Variants in SMC6 observed in about 807,000 individuals in gnomAD.
SMC6 encodes the protein structural maintenance of chromosomes 6, also known as structural maintenance of chromosomes protein 6.
A neutral mutation model predicts 142.2 loss-of-function variants in SMC6; 79 were observed. The observed-to-expected ratio is 0.56, with a 90% CI of 0.46 to 0.67. The LOEUF (loss-of-function observed/expected upper bound fraction) is 0.67. SMC6 is among the 30% of genes least tolerant of loss of function. The pLI is 0.00. For missense variants in SMC6, 1,072 were observed against 1,284.0 expected, an observed-to-expected ratio of 0.83 and a Z score of 2.52; for synonymous variants, 411 against 412.4, an observed-to-expected ratio of 1.00 and a Z score of 0.04.
intron 9 of SMC6, among the ~76,000 whole-genome samples, chr2:17,724,057 G>C (rs1240414505): frequency 1.3e-5 from 2 of 152,072 alleles, no homozygotes; most frequent in Non-Finnish European, 2.9e-5. Context: ...GAGAAAATAA[G>C]TGTTTAATCC....
In SMC6 at chr2:17,718,060, T is replaced by G; in HGVS notation, c.1092+17A>C. ...CTGTGTGGCTTTTAAAATTCCAGTTTAGAAAATTTATCTCACCTCAGCTTC... is the reference window on the plus strand; with the variant it reads ...CTGTGTGGCTTTTAAAATTCCAGTTGAGAAAATTTATCTCACCTCAGCTTC... On this transcript the variant is annotated intron_variant, in intron 12 of 27. Coordinates refer to ENST00000448223, the MANE Select transcript of SMC6 (RefSeq NM_001142286.2). The G allele has an allele frequency of 6.3e-7, 1 of 1,586,768 alleles. No homozygotes were observed. The highest frequency in any genetic ancestry group is 8.5e-7 in the Non-Finnish European group (1 of 1,169,844).
chr2:17,725,744 C>G (rs1572335063), intron 8 of SMC6, among the ~76,000 whole-genome samples: 1 of 152,222 alleles, frequency 6.6e-6, no homozygotes, highest in East Asian at 1.9e-4. Context: ...AAAGGCTACA[C>G]AGAATATTTA....
At chr2:17,696,513 T>C (rs992961552) in intron 21 of SMC6, 87 bp from the exon 22 acceptor site, 1 of 1,383,658 alleles carries the variant, frequency 7.2e-7, no homozygotes, top group African/African-American at 1.5e-5. Flanking sequence ...GTAAAGTGGC[T>C]AGGATTATGC....
At chr2:17,736,164 G>C (rs1670141981) in intron 5 of SMC6, among the ~76,000 whole-genome samples, 1 of 152,188 alleles carries the variant, frequency 6.6e-6, no homozygotes, top group African/African-American at 2.4e-5. Flanking sequence ...GAACAATAAA[G>C]ATGTGGAAAA....
intron 5 of SMC6, among the ~76,000 whole-genome samples, chr2:17,733,383 C>G (rs1183400983): frequency 6.6e-6 from 1 of 152,158 alleles, no homozygotes; most frequent in Non-Finnish European, 1.5e-5. Flanking sequence ...ACTAAGCAAT[C>G]AGATTTTCTT....
At chr2:17,738,853 G>A (rs904443668) in intron 4 of SMC6, among the ~76,000 whole-genome samples, 1 of 151,776 alleles carries the variant, frequency 6.6e-6, no homozygotes, top group African/African-American at 2.4e-5. Flanking sequence ...TTGGTATGTT[G>A]CCCAGGGTGG....
chr2:17,736,617 G>A (rs1194726388), intron 5 of SMC6, among the ~76,000 whole-genome samples: 2 of 152,002 alleles, frequency 1.3e-5, no homozygotes, highest in African/African-American at 4.8e-5. Flanking sequence ...GCTCACACCT[G>A]TAATTCCAGC....
At chr2:17,698,078 G>A (rs1018347548) in intron 21 of SMC6, among the ~76,000 whole-genome samples, 1 of 152,012 alleles carries the variant, frequency 6.6e-6, no homozygotes, top group African/African-American at 2.4e-5. Flanking sequence ...TGAAATATCT[G>A]GAATAGGCAA....
At chr2:17,711,503 T>C (rs1403665559) in intron 16 of SMC6, among the ~76,000 whole-genome samples, 1 of 152,144 alleles carries the variant, frequency 6.6e-6, no homozygotes, top group Non-Finnish European at 1.5e-5. Context: ...CAAAATGATT[T>C]TTTTTCATCC....
chr2:17,685,301 G>C (rs974683370), intron 23 of SMC6, among the ~76,000 whole-genome samples: 2 of 151,938 alleles, frequency 1.3e-5, no homozygotes, highest in African/African-American at 4.8e-5. Context: ...AAAAAGCAAT[G>C]TTTAGCAATG....
At chr2:17,695,349 C>A (rs1368279780) in intron 22 of SMC6, 52 bp from the exon 23 acceptor site, 2 of 1,514,932 alleles carry the variant, frequency 1.3e-6, no homozygotes, top group East Asian at 4.6e-5. Context: ...TATAACAATT[C>A]ATTATACTAC....
At chr2:17,749,209 G>A (rs963715723) in intron 2 of SMC6, among the ~76,000 whole-genome samples, 1 of 151,612 alleles carries the variant, frequency 6.6e-6, no homozygotes, top group Admixed American at 6.6e-5. Context: ...TAATTATGCT[G>A]GAATAAAAAA....
intron 24 of SMC6, chr2:17,679,422 G>A (rs1299020371): frequency 1.3e-5 from 2 of 152,968 alleles, no homozygotes; most frequent in African/African-American, 4.8e-5. Flanking sequence ...AAAGCTAAGG[G>A]CACTCTCTTA....
At position 17,721,293 on chromosome 2, in the gene SMC6, TTTA is replaced by T. The variant is rs771470139; in HGVS notation, c.727-35_727-33del. 5.6e-4 allele frequency: 848 copies of T among 1,521,368 alleles called. 2 individuals are homozygous for T. Among genetic ancestry groups the T allele is most frequent in the Admixed American group, 9.2e-4 (38 of 41,472 alleles). 94.2% of individuals were successfully genotyped at this position (1,521,368 alleles called of 1,614,324 possible). ...AAAAGAAAACAGAACGGACGTATTT[TTTA>T]TTAATGTTGAAAAAACACATTTTTG... On this transcript the variant is annotated intron_variant, in intron 9 of 27. Coordinates refer to ENST00000448223, the MANE Select transcript of SMC6 (RefSeq NM_001142286.2).
intron 5 of SMC6, among the ~76,000 whole-genome samples, chr2:17,737,996 C>A (rs779340328): frequency 6.6e-6 from 1 of 152,106 alleles, no homozygotes; most frequent in Non-Finnish European, 1.5e-5. Context: ...GATGGCCAGG[C>A]ACAGGGCAAT....
intron 5 of SMC6, among the ~76,000 whole-genome samples, chr2:17,734,505 A>G (rs1670051769): frequency 1.3e-5 from 2 of 151,442 alleles, no homozygotes; most frequent in South Asian, 2.1e-4. Flanking sequence ...GCTAATGAAT[A>G]TTTTATTTCA....
chr2:17,749,194 T>C (rs1418612462), intron 2 of SMC6, among the ~76,000 whole-genome samples: 2 of 151,992 alleles, frequency 1.3e-5, no homozygotes, highest in Non-Finnish European at 2.9e-5. Context: ...CAAAGAAAAA[T>C]ATTTTAATTA....
chr2:17,677,371 C>T (rs752384354), intron 25 of SMC6, among the ~76,000 whole-genome samples: 12 of 152,126 alleles, frequency 7.9e-5, no homozygotes, highest in African/African-American at 2.4e-4. Flanking sequence ...TGCACAACAT[C>T]AGAACTCAGG....
At chr2:17,692,315 G>T (rs1353396806) in intron 23 of SMC6, among the ~76,000 whole-genome samples, 1 of 152,142 alleles carries the variant, frequency 6.6e-6, no homozygotes, top group Non-Finnish European at 1.5e-5. Context: ...ATACTACAAG[G>T]CTACAGTAAC....
Sources: allele counts gnomAD v4.1 joint callset (sites outside exome capture counted in the v4.1 genomes callset), GRCh38; gene constraint gnomAD v4.1.1; transcripts MANE v1.5; gene names NCBI Gene and HGNC (gene_info 2026-07-23, HGNC 2026-07-21).